SHANK2: variants seen among roughly 807,000 people sequenced by gnomAD.
The protein encoded by SHANK2 is SH3 and multiple ankyrin repeat domains 2.
Under a neutral mutation model 133.7 loss-of-function variants are expected in SHANK2, and 43 were observed. The observed-to-expected ratio is 0.32, with a 90% CI of 0.25 to 0.41. The LOEUF is 0.41. Among genes scored for constraint, SHANK2 ranks in the 10% least tolerant of loss-of-function variants. SHANK2 has a pLI of 1.00. For missense variants in SHANK2, 1,994 were observed against 2,235.8 expected, an observed-to-expected ratio of 0.89 and a Z score of 2.18; for synonymous variants, 1,017 against 952.8, an observed-to-expected ratio of 1.07 and a Z score of -1.24.
At chr11:71,069,699 CA>C (rs1951117881) in intron 9 of SHANK2, among the ~76,000 whole-genome samples, 1 of 152,194 alleles carries the variant, frequency 6.6e-6, no homozygotes, top group Non-Finnish European at 1.5e-5. Context: ...TTGTCCAGGA[CA>C]GCATAGCAAG....
intron 1 of SHANK2, among the ~76,000 whole-genome samples, chr11:71,230,431 T>C (rs1954723932): frequency 6.6e-6 from 1 of 151,998 alleles, no homozygotes; most frequent in Non-Finnish European, 1.5e-5. Flanking sequence ...TATCTGGGTG[T>C]GGTGGCGGGC....
intron 17 of SHANK2, among the ~76,000 whole-genome samples, chr11:70,588,945 G>A (rs2060287895): frequency 6.6e-6 from 1 of 152,190 alleles, no homozygotes; most frequent in Admixed American, 6.5e-5. Context: ...AGCCTCCCGA[G>A]TAGCTGGGAC....
At chr11:70,874,708 G>A (rs1375604101) in intron 11 of SHANK2, among the ~76,000 whole-genome samples, 1 of 138,354 alleles carries the variant, frequency 7.2e-6, no homozygotes, top group Non-Finnish European at 1.5e-5. Flanking sequence ...ATTCCACCTT[G>A]TAGTTCACAT....
chr11:71,082,314 G>T (rs1353444880), intron 8 of SHANK2, among the ~76,000 whole-genome samples: 1 of 152,240 alleles, frequency 6.6e-6, no homozygotes, highest in Non-Finnish European at 1.5e-5. Flanking sequence ...TGCCTGAACA[G>T]TGGTCATCTC....
intron 16 of SHANK2, among the ~76,000 whole-genome samples, chr11:70,660,937 C>A (rs1555013072): frequency 6.6e-6 from 1 of 152,216 alleles, no homozygotes; most frequent in Non-Finnish European, 1.5e-5. Context: ...GGAGGTGATG[C>A]CATTTTGTTT....
intron 14 of SHANK2, among the ~76,000 whole-genome samples, chr11:70,707,142 T>C (rs1164689560): frequency 6.6e-6 from 1 of 151,732 alleles, no homozygotes; most frequent in Admixed American, 6.6e-5. Flanking sequence ...GAGGCTGAGA[T>C]GGGTGGATCA....
chr11:71,065,409 G>T lies in SHANK2; in HGVS notation c.1030-8851C>A, dbSNP rs1376142329. Among the ~76,000 whole-genome samples the T allele has an allele frequency of 3.0e-3, 425 of 142,588 alleles. 3 individuals are homozygous for T. Among genetic ancestry groups the T allele is most frequent in the African/African-American group, 0.011 (412 of 37,886 alleles). The allele number at this position is 142,588 out of a possible 152,430, so 93.5% of individuals were successfully genotyped here. On this transcript the variant is annotated intron_variant, in intron 9 of 25. Coordinates refer to ENST00000601538, the MANE Select transcript of SHANK2 (RefSeq NM_012309.5). ...TGAGCAGTGACTGGGGAAGTTGTGG[G>T]GGGGTGTGCAGAACTCTTCCAGGGA...
At chr11:70,593,325 G>A (rs547118407) in intron 17 of SHANK2, among the ~76,000 whole-genome samples, 1 of 152,354 alleles carries the variant, frequency 6.6e-6, no homozygotes, top group South Asian at 2.1e-4. Context: ...AATGAAGGTA[G>A]GATATAGTAA....
At chr11:70,601,362 G>A (rs2060494748) in intron 17 of SHANK2, among the ~76,000 whole-genome samples, 1 of 152,120 alleles carries the variant, frequency 6.6e-6, no homozygotes, top group African/African-American at 2.4e-5. Flanking sequence ...TGGGACTACA[G>A]GCGCATGCCA....
At chr11:71,251,160 C>G (rs1229195299) in intron 1 of SHANK2, among the ~76,000 whole-genome samples, 1 of 152,050 alleles carries the variant, frequency 6.6e-6, no homozygotes, top group African/African-American at 2.4e-5. Flanking sequence ...CGCCCCGAGC[C>G]CCTTTAAAAG....
chr11:70,718,624 G>T (rs1946005526), intron 14 of SHANK2, among the ~76,000 whole-genome samples: 1 of 152,000 alleles, frequency 6.6e-6, no homozygotes, highest in Non-Finnish European at 1.5e-5. Flanking sequence ...TTCCCAATCG[G>T]TACGTCCCGT....
intron 17 of SHANK2, among the ~76,000 whole-genome samples, chr11:70,539,071 C>G (rs775833506): frequency 6.6e-6 from 1 of 152,236 alleles, no homozygotes; most frequent in Non-Finnish European, 1.5e-5. Flanking sequence ...ATGCAGAGTT[C>G]TAACAGGGTG....
chr11:70,854,294 C>T (rs1555066419), intron 11 of SHANK2, among the ~76,000 whole-genome samples: 1 of 152,104 alleles, frequency 6.6e-6, no homozygotes, highest in African/African-American at 2.4e-5. Flanking sequence ...GGAAAGTTAC[C>T]AATGCTAAAA....
intron 10 of SHANK2, among the ~76,000 whole-genome samples, chr11:70,936,829 G>A (rs1950577906): frequency 6.6e-6 from 1 of 152,164 alleles, no homozygotes; most frequent in Non-Finnish European, 1.5e-5. Context: ...CTGTGAGCAG[G>A]AAAACACCTC....
At chr11:70,559,019 C>T (rs1007602551) in intron 17 of SHANK2, among the ~76,000 whole-genome samples, 25 of 151,994 alleles carry the variant, frequency 1.6e-4, no homozygotes, top group East Asian at 5.8e-4. Context: ...ATTTCACAGA[C>T]GCTATATTTT....
At chr11:71,243,964 G>A (rs1389581168) in intron 1 of SHANK2, among the ~76,000 whole-genome samples, 1 of 152,138 alleles carries the variant, frequency 6.6e-6, no homozygotes. Context: ...GGCCAATTTT[G>A]CATAAACTTT....
intron 13 of SHANK2, among the ~76,000 whole-genome samples, chr11:70,805,946 A>G (rs1555051726): frequency 6.6e-6 from 1 of 152,252 alleles, no homozygotes; most frequent in African/African-American, 2.4e-5. Flanking sequence ...AAATGATGAA[A>G]TATGTGTGCA....
intron 14 of SHANK2, among the ~76,000 whole-genome samples, chr11:70,782,852 C>T (rs1947536436): frequency 6.6e-6 from 1 of 152,228 alleles, no homozygotes; most frequent in South Asian, 2.1e-4. Context: ...AGCACGTCCG[C>T]AGCGGAAGGG....
intron 15 of SHANK2, among the ~76,000 whole-genome samples, chr11:70,666,549 A>G (rs1380577257): frequency 6.6e-6 from 1 of 152,118 alleles, no homozygotes; most frequent in Non-Finnish European, 1.5e-5. Flanking sequence ...CTGCCCTAGA[A>G]CTGTGCTGAA....
Sources: gnomAD v4.1 joint callset for allele counts (sites outside exome capture counted in the v4.1 genomes callset) on GRCh38, gnomAD v4.1.1 for gene constraint, MANE v1.5 for transcripts, NCBI Gene and HGNC (gene_info 2026-07-23, HGNC 2026-07-21) for gene names.